The following ARHGEF28 variants were observed in gnomAD, a reference collection of about 807,000 sequenced individuals.
The protein encoded by ARHGEF28 is 190 kDa guanine nucleotide exchange factor.
ARHGEF28 carries 152 observed loss-of-function variants against 206.6 expected under a neutral mutation model. The observed-to-expected ratio is 0.74, with a 90% CI of 0.64 to 0.84. The LOEUF is 0.84. Ranked by LOEUF, ARHGEF28 falls within the 40% of genes least tolerant of loss-of-function variation. The pLI, the probability that ARHGEF28 is intolerant of heterozygous loss-of-function variation, is 0.00. For missense variants in ARHGEF28, 2,028 were observed against 2,073.2 expected, an observed-to-expected ratio of 0.98 and a Z score of 0.42; for synonymous variants, 763 against 776.4, an observed-to-expected ratio of 0.98 and a Z score of 0.29.
intron 10 of ARHGEF28, among the ~76,000 whole-genome samples, chr5:73,832,806 C>T (rs1464770886): frequency 6.6e-6 from 1 of 152,140 alleles, no homozygotes; most frequent in Non-Finnish European, 1.5e-5. Flanking sequence ...TGTATATGAC[C>T]TGATTATGCA....
At chr5:73,736,246 GA>G (rs1388771558) in intron 2 of ARHGEF28, among the ~76,000 whole-genome samples, 1 of 152,158 alleles carries the variant, frequency 6.6e-6, no homozygotes, top group Non-Finnish European at 1.5e-5. Context: ...AATGGTCACG[GA>G]GCCAATCAAT....
intron 5 of ARHGEF28, 59 bp from the exon 6 acceptor site, chr5:73,776,457 G>A: frequency 2.7e-6 from 4 of 1,473,792 alleles, no homozygotes; most frequent in Non-Finnish European, 3.7e-6. Flanking sequence ...CCTAAGGGCT[G>A]GGATCCTGGG....
chr5:73,932,583 G>A (rs1764185373), intron 35 of ARHGEF28, among the ~76,000 whole-genome samples: 2 of 152,090 alleles, frequency 1.3e-5, no homozygotes, highest in South Asian at 2.1e-4. Context: ...TTGCTAAGAA[G>A]ACAAGGATTA....
At chr5:73,853,601 A>C (rs917490269) in intron 14 of ARHGEF28, among the ~76,000 whole-genome samples, 5 of 152,220 alleles carry the variant, frequency 3.3e-5, no homozygotes, top group Non-Finnish European at 5.9e-5. Context: ...GAGGAAGATT[A>C]AGAATGCCCT....
At chr5:73,936,826 G>A (rs891500010) in intron 35 of ARHGEF28, among the ~76,000 whole-genome samples, 24 of 152,084 alleles carry the variant, frequency 1.6e-4, no homozygotes, top group African/African-American at 4.3e-4. Flanking sequence ...CCTTGGCTCC[G>A]CAAAGTGCTG....
At chr5:73,639,336 A>G (rs1439862603) in intron 1 of ARHGEF28, among the ~76,000 whole-genome samples, 1 of 151,274 alleles carries the variant, frequency 6.6e-6, no homozygotes, top group African/African-American at 2.4e-5. Flanking sequence ...AAAAAATTAT[A>G]CAGATATGTA....
chr5:73,932,051 T>C (rs1764156149), intron 35 of ARHGEF28, among the ~76,000 whole-genome samples: 1 of 152,186 alleles, frequency 6.6e-6, no homozygotes, highest in African/African-American at 2.4e-5. Flanking sequence ...ATGTAAAAGG[T>C]TAGTGTTCTA....
intron 11 of ARHGEF28, among the ~76,000 whole-genome samples, chr5:73,842,445 T>C (rs1046500802): frequency 1.3e-5 from 2 of 152,146 alleles, no homozygotes; most frequent in African/African-American, 4.8e-5. Context: ...TTAGCACATA[T>C]TGGTACCAAG....
intron 17 of ARHGEF28, 116 bp downstream of exon 17, chr5:73,864,988 C>A (rs758784116): frequency 6.9e-6 from 6 of 874,282 alleles, no homozygotes; most frequent in Non-Finnish European, 1.1e-5. Flanking sequence ...ATCATGATAG[C>A]GATAACATAA....
intron 4 of ARHGEF28, among the ~76,000 whole-genome samples, chr5:73,766,581 C>T (rs1347251041): frequency 2.0e-5 from 3 of 152,196 alleles, no homozygotes; most frequent in African/African-American, 7.2e-5. Context: ...TCTGGCTTTG[C>T]ATTGGAATCA....
intron 17 of ARHGEF28, 51 bp downstream of exon 17, chr5:73,864,923 T>G (rs1759617824): frequency 6.5e-7 from 1 of 1,528,242 alleles, no homozygotes; most frequent in African/African-American, 1.4e-5. Flanking sequence ...TGCTTCATAG[T>G]ATCTATTTGA....
intron 2 of ARHGEF28, among the ~76,000 whole-genome samples, chr5:73,729,751 A>T (rs1167319806): frequency 6.6e-6 from 1 of 152,128 alleles, no homozygotes; most frequent in Non-Finnish European, 1.5e-5. Flanking sequence ...ATTTTACTCA[A>T]ATTGTATAGA....
intron 2 of ARHGEF28, among the ~76,000 whole-genome samples, chr5:73,705,752 A>G (rs1431859240): frequency 1.3e-5 from 2 of 152,180 alleles, no homozygotes; most frequent in African/African-American, 4.8e-5. Flanking sequence ...TAGAGTTTTC[A>G]GAGATTGTGA....
At chr5:73,681,707 C>T (rs530847128) in intron 1 of ARHGEF28, among the ~76,000 whole-genome samples, 5 of 151,964 alleles carry the variant, frequency 3.3e-5, no homozygotes, top group Non-Finnish European at 7.4e-5. Flanking sequence ...ACCAGCTATT[C>T]GCTAGGCTAA....
chr5:73,890,745 C>T (rs975594101), intron 26 of ARHGEF28, among the ~76,000 whole-genome samples: 38 of 152,154 alleles, frequency 2.5e-4, no homozygotes, highest in Non-Finnish European at 2.1e-4. Flanking sequence ...TGGATAAAGG[C>T]GTCGCTCAGT....
At chr5:73,730,389 C>T (rs1352116641) in intron 2 of ARHGEF28, among the ~76,000 whole-genome samples, 1 of 152,152 alleles carries the variant, frequency 6.6e-6, no homozygotes, top group Non-Finnish European at 1.5e-5. Flanking sequence ...GGATGTCCTA[C>T]TTATCTTGTT....
intron 14 of ARHGEF28, among the ~76,000 whole-genome samples, chr5:73,856,866 T>C (rs1390556876): frequency 6.6e-6 from 1 of 152,182 alleles, no homozygotes; most frequent in Non-Finnish European, 1.5e-5. Context: ...TTAGGTTGAT[T>C]TTTAATTTAT....
chr5:73,761,749 G>A (rs766722827), intron 4 of ARHGEF28, among the ~76,000 whole-genome samples: 5 of 152,122 alleles, frequency 3.3e-5, no homozygotes, highest in African/African-American at 4.8e-5. Context: ...TGTGAGTGGC[G>A]ACACATCAGG....
In ARHGEF28 at chr5:73,832,321, T is replaced by TCTC; in HGVS notation, c.1025-16_1025-15insTCC. On this transcript the variant is annotated splice_polypyrimidine_tract_variant and intron_variant, in intron 9 of 35. Transcript: ENST00000513042. The stretch of plus-strand genomic sequence containing the variant: ...CCCTTCTCCTTTATTTGCCCTGTTT[T>TCTC]CATTTTTGTACTCTAGATCGCTCCT... The TCTC allele has an allele frequency of 8.1e-6, 13 of 1,611,834 alleles. No individual in the cohort carries two copies. The highest frequency in any genetic ancestry group is 1.1e-5 in the Non-Finnish European group (13 of 1,178,680).
Sources: gnomAD v4.1 joint callset for allele counts (sites outside exome capture counted in the v4.1 genomes callset) on GRCh38, gnomAD v4.1.1 for gene constraint, MANE v1.5 for transcripts, NCBI Gene and HGNC (gene_info 2026-07-23, HGNC 2026-07-21) for gene names.